Variants in PTPRR observed in about 807,000 individuals in gnomAD.
PTPRR encodes protein tyrosine phosphatase receptor type R, also known as receptor-type tyrosine-protein phosphatase R.
In PTPRR, 38 loss-of-function variants were observed where a neutral mutation model predicts 77.2. That is an observed-to-expected ratio of 0.49 (90% CI 0.38 to 0.65). The LOEUF is 0.65. Ranked by LOEUF, PTPRR falls within the 30% of genes least tolerant of loss-of-function variation. PTPRR has a pLI of 0.00. For missense variants in PTPRR, 744 were observed against 799.2 expected (o/e 0.93, Z 0.83); for synonymous variants, 299 against 283.1 (o/e 1.06, Z -0.57).
intron 1 of PTPRR, among the ~76,000 whole-genome samples, chr12:70,910,883 G>A (rs1409084752): frequency 6.6e-6 from 1 of 152,128 alleles, no homozygotes; most frequent in Non-Finnish European, 1.5e-5. Flanking sequence ...ATGTGTCTCT[G>A]GATTTGCATA....
chr12:70,656,745 A>C lies in PTPRR; in HGVS notation c.1839T>G (p.Val613=). The C allele has an allele frequency of 6.2e-7, 1 of 1,614,014 alleles. No individual in the cohort carries two copies. Among genetic ancestry groups the C allele is most frequent in the East Asian group, 2.2e-5 (1 of 44,860 alleles). Residue 613 remains valine, a synonymous_variant, in exon 13 of 14, where the codon GTT becomes GTG. Transcript: ENST00000283228. ...GGCAGACAATGCTTAGTGCATCCAC[A>C]ACTCCTTCTTCTTTCAGCTGTTGAC... ...IGCQQLKEEG[V]VDALSIVCQL...
chr12:70,675,017 T>C (rs1180288422), intron 10 of PTPRR, among the ~76,000 whole-genome samples: 1 of 152,118 alleles, frequency 6.6e-6, no homozygotes, highest in Non-Finnish European at 1.5e-5. Context: ...CTGATAATGA[T>C]TGTTTTGATT....
chr12:70,746,915 T>C (rs556399647), intron 5 of PTPRR, among the ~76,000 whole-genome samples: 86 of 152,200 alleles, frequency 5.7e-4, no homozygotes, highest in African/African-American at 1.9e-3. Flanking sequence ...GAAACTTTTA[T>C]ACTGGTGATA....
intron 8 of PTPRR, among the ~76,000 whole-genome samples, chr12:70,685,316 G>A (rs1237324986): frequency 1.3e-5 from 2 of 151,926 alleles, no homozygotes; most frequent in South Asian, 2.1e-4. Flanking sequence ...AGGCAAGCCA[G>A]GGGAAGAGGG....
chr12:70,841,577 G>A (rs183046787), intron 2 of PTPRR, among the ~76,000 whole-genome samples: 22 of 152,062 alleles, frequency 1.4e-4, no homozygotes, highest in African/African-American at 5.1e-4. Flanking sequence ...GTTTAATATT[G>A]TAAAGTAAGA....
At chr12:70,751,656 A>T (rs1382445909) in intron 5 of PTPRR, among the ~76,000 whole-genome samples, 2 of 152,060 alleles carry the variant, frequency 1.3e-5, no homozygotes, top group African/African-American at 4.8e-5. Context: ...TCTTCTTCAT[A>T]GCACTTATCA....
At chr12:70,866,747 C>T (rs979656135) in intron 2 of PTPRR, among the ~76,000 whole-genome samples, 15 of 152,200 alleles carry the variant, frequency 9.9e-5, no homozygotes, top group East Asian at 9.7e-4. Context: ...AATTTTAGAC[C>T]AATATCCTTG....
intron 2 of PTPRR, among the ~76,000 whole-genome samples, chr12:70,858,854 G>A (rs927906568): frequency 3.8e-4 from 57 of 151,998 alleles, no homozygotes; most frequent in African/African-American, 1.4e-3. Context: ...TTATATATTC[G>A]GTTGAGTCCT....
At chr12:70,660,815 A>C in intron 12 of PTPRR, 125 bp downstream of exon 12, 3 of 983,414 alleles carry the variant, frequency 3.1e-6, no homozygotes, top group East Asian at 2.8e-5. Flanking sequence ...AGACTTAACC[A>C]ATTTCAATAA....
At chr12:70,676,544 G>T (rs1887453768) in intron 10 of PTPRR, among the ~76,000 whole-genome samples, 1 of 151,774 alleles carries the variant, frequency 6.6e-6, no homozygotes, top group Non-Finnish European at 1.5e-5. Flanking sequence ...TTGATTGTAG[G>T]CTTATGTTTG....
Position 70,804,658 on chromosome 12 carries a change from A to G in PTPRR, c.358-39880T>C, listed in dbSNP as rs192045820. On this transcript the variant is annotated intron_variant, in intron 2 of 13. Transcript: ENST00000283228. The stretch of plus-strand genomic sequence containing the variant: ...CCATATGGCTCAATACAATTTAAGA[A>G]AGTTTGCTCAGGGCCACACAAGAAG... 1.1e-4 allele frequency among the ~76,000 whole-genome samples: 17 copies of G among 152,334 alleles called. No individual in the cohort carries two copies. In the East Asian group the frequency reaches 1.7e-3, roughly 16 times the overall value.
At chr12:70,754,953 G>T (rs920769088) in intron 4 of PTPRR, among the ~76,000 whole-genome samples, 3 of 151,956 alleles carry the variant, frequency 2.0e-5, no homozygotes, top group Non-Finnish European at 4.4e-5. Flanking sequence ...TCAATAAAAG[G>T]TAGAATACAC....
At chr12:70,808,900 G>C (rs1416090506) in intron 2 of PTPRR, among the ~76,000 whole-genome samples, 1 of 152,100 alleles carries the variant, frequency 6.6e-6, no homozygotes, top group Non-Finnish European at 1.5e-5. Context: ...CTACTTCCAT[G>C]ATCTTCTTAC....
intron 2 of PTPRR, among the ~76,000 whole-genome samples, chr12:70,803,360 C>T (rs541497331): frequency 2.0e-5 from 3 of 152,082 alleles, no homozygotes; most frequent in Admixed American, 6.6e-5. Context: ...GGGCAATCAC[C>T]AAAAGAAGCA....
intron 6 of PTPRR, among the ~76,000 whole-genome samples, chr12:70,716,137 A>G (rs916548211): frequency 2.0e-5 from 3 of 152,160 alleles, no homozygotes; most frequent in Non-Finnish European, 4.4e-5. Flanking sequence ...GCAACCTTAC[A>G]TAAAGCAGCC....
At chr12:70,683,337 G>A (rs779099500) in intron 10 of PTPRR, among the ~76,000 whole-genome samples, 4 of 152,122 alleles carry the variant, frequency 2.6e-5, no homozygotes, top group South Asian at 4.1e-4. Context: ...CAGCCCTCAG[G>A]AATATTACAA....
intron 4 of PTPRR, among the ~76,000 whole-genome samples, chr12:70,760,343 G>C (rs1265759393): frequency 1.3e-5 from 2 of 152,124 alleles, no homozygotes; most frequent in Non-Finnish European, 2.9e-5. Context: ...ACTCCATCTG[G>C]GTGCAAGTGA....
chr12:70,649,131 G>T lies in PTPRR; in HGVS notation c.1880+7573C>A. On this transcript the variant is annotated intron_variant, in intron 13 of 13. Transcript: ENST00000283228. ...CATTTGAATTTATTACTAAAATGCAGATTTTTAACTTGAGTAGAAATTGCT... is the reference window on the plus strand; with the variant it reads ...CATTTGAATTTATTACTAAAATGCATATTTTTAACTTGAGTAGAAATTGCT... Among the ~76,000 whole-genome samples the T allele has an allele frequency of 1.3e-5, 2 of 152,162 alleles. 1 individual carries two copies. The highest frequency in any genetic ancestry group is 1.3e-4 in the Admixed American group (2 of 15,282).
chr12:70,850,844 A>G (rs1274335063), intron 2 of PTPRR, among the ~76,000 whole-genome samples: 3 of 152,192 alleles, frequency 2.0e-5, no homozygotes, highest in South Asian at 2.1e-4. Flanking sequence ...TGCTGTCCCT[A>G]CATTGCTTTG....
Sources: gnomAD v4.1 joint callset for allele counts (sites outside exome capture counted in the v4.1 genomes callset) on GRCh38, gnomAD v4.1.1 for gene constraint, MANE v1.5 for transcripts, NCBI Gene and HGNC (gene_info 2026-07-23, HGNC 2026-07-21) for gene names.